Variants in ARID3A observed in about 807,000 individuals in gnomAD.
The protein encoded by ARID3A is AT-rich interaction domain 3A.
ARID3A carries 11 observed loss-of-function variants against 52.7 expected under a neutral mutation model. That is an observed-to-expected ratio of 0.21 (90% CI 0.13 to 0.35). The LOEUF (loss-of-function observed/expected upper bound fraction) is 0.35. Among genes scored for constraint, ARID3A ranks in the 10% least tolerant of loss-of-function variants. The pLI is 1.00. For synonymous variants in ARID3A, 404 were observed against 359.4 expected, an observed-to-expected ratio of 1.12 and a Z score of -1.40; for missense variants, 721 against 838.5, an observed-to-expected ratio of 0.86 and a Z score of 1.73.
Position 964,900 on chromosome 19 carries a change from G to A in ARID3A, c.1018G>A (p.Ala340Thr). 6.2e-7 allele frequency: 1 copy of A among 1,613,974 alleles called. No individual in the cohort carries two copies. Among genetic ancestry groups the A allele is most frequent in the African/African-American group, 1.3e-5 (1 of 75,026 alleles). The change falls in exon 6 of 9, where the codon GCA (alanine) becomes ACA (threonine). Residue 340 changes from alanine to threonine, a missense_variant. This residue lies in a region of ARID3A where 43 missense variants were observed against 143.7 expected (regional missense o/e 0.30). Transcript: ENST00000263620. This position sits in a 1 kb window ranked among gnomAD's most constrained non-coding sequence, Gnocchi z 5.7. ...CCTCAGTAACCCCAATGAGCTCCAGGCAGCCATAGACAGCAACCGACGGGA... is the reference window on the plus strand; with the variant it reads ...CCTCAGTAACCCCAATGAGCTCCAGACAGCCATAGACAGCAACCGACGGGA... ...RGLSNPNELQ[A>T]AIDSNRREGR...
rs190666372 is a variant in ARID3A, at chr19:947,650, C to T, written c.694-12442C>T. ...AGGGTCTGGCGTCAGCAAGCTCCCC[C>T]GGAATCTCGTGATCTGGAAATCCAC... is the stretch of plus-strand genomic sequence containing the variant. On this transcript the variant is annotated intron_variant, in intron 3 of 8. Coordinates refer to ENST00000263620, the MANE Select transcript of ARID3A (RefSeq NM_005224.3). This position sits in a 1 kb window ranked among gnomAD's most constrained non-coding sequence, Gnocchi z 6.3. Among the ~76,000 whole-genome samples the T allele has an allele frequency of 1.3e-5, 2 of 152,322 alleles. No individual in the cohort carries two copies. Among genetic ancestry groups the T allele is most frequent in the African/African-American group, 4.8e-5 (2 of 41,568 alleles).
At position 944,949 on chromosome 19, in the gene ARID3A, G is replaced by A. The variant is rs1026427737; in HGVS notation, c.693+12207G>A. ...TCTCCCTGTCTCTGCCACCCGCCCC[G>A]TCCCTTCCACCACGTCGCCCTGTAA... is the stretch of plus-strand genomic sequence containing the variant. On this transcript the variant is annotated intron_variant, in intron 3 of 8. Coordinates refer to ENST00000263620, the MANE Select transcript of ARID3A (RefSeq NM_005224.3). This position sits in a 1 kb window ranked among gnomAD's most constrained non-coding sequence, Gnocchi z 5.9. Among the ~76,000 whole-genome samples the A allele has an allele frequency of 2.6e-5, 4 of 151,682 alleles. No individual in the cohort carries two copies. The highest frequency in any genetic ancestry group is 5.9e-5 in the Non-Finnish European group (4 of 67,920).
chr19:966,954 A>C, intron 7 of ARID3A, 86 bp downstream of exon 7: 1 of 1,391,382 alleles, frequency 7.2e-7, no homozygotes, highest in African/African-American at 1.8e-5. Flanking sequence ...AAAGAGTGCC[A>C]ACAAATCAAT....
chr19:937,213 G>T (rs1051964838), intron 3 of ARID3A, among the ~76,000 whole-genome samples: 32 of 152,264 alleles, frequency 2.1e-4, no homozygotes, highest in African/African-American at 6.3e-4. Context: ...GCCGTGAGCC[G>T]AGATCGCGCC....
At chr19:946,062 AG>A (rs889807569) in intron 3 of ARID3A, among the ~76,000 whole-genome samples, 110 of 151,812 alleles carry the variant, frequency 7.2e-4, no homozygotes, top group African/African-American at 2.6e-3. Context: ...AGGCTCGCGG[AG>A]GCAGGGGCCC....
rs1214064379 is a variant in ARID3A at position 975,889 on chromosome 19, G to T, written c.*3824G>T. On this transcript the variant is annotated 3_prime_UTR_variant, in exon 9 of 9. Coordinates refer to ENST00000263620, the MANE Select transcript of ARID3A (RefSeq NM_005224.3). ...TTTAAGACGATTGTAACCCTGTAAA[G>T]CTGATGAGATATTAAAACGAGACAA... 1 of 182,648 alleles carries T rather than the reference G, an allele frequency of 5.5e-6. No homozygotes were observed. Among genetic ancestry groups the T allele is most frequent in the Non-Finnish European group, 1.2e-5 (1 of 85,900 alleles). 11.3% of individuals were successfully genotyped at this position (182,648 alleles called of 1,614,324 possible).
In ARID3A at chr19:944,828, G is replaced by A. The variant is rs934743709; in HGVS notation, c.693+12086G>A. Among the ~76,000 whole-genome samples the A allele has an allele frequency of 1.3e-5, 2 of 152,140 alleles. No homozygotes were observed. The highest frequency in any genetic ancestry group is 6.5e-5 in the Admixed American group (1 of 15,270). On this transcript the variant is annotated intron_variant, in intron 3 of 8. Coordinates refer to ENST00000263620, the MANE Select transcript of ARID3A (RefSeq NM_005224.3). The surrounding 1 kb of genome is among the most constrained non-coding windows in gnomAD (Gnocchi z 5.9). ...TTTTTTGGAGACAGGGTCTTGCTGC[G>A]TTGCCCAGGCTGAACTCCTGAGCTC...
intron 3 of ARID3A, among the ~76,000 whole-genome samples, chr19:937,734 T>TCTTG (rs1435765261): frequency 7.5e-6 from 1 of 133,656 alleles, no homozygotes; most frequent in East Asian, 2.3e-4. Flanking sequence ...TGAGACAGAG[T>TCTTG]CTTGCTCTGT....
intron 8 of ARID3A, among the ~76,000 whole-genome samples, chr19:969,556 A>G (rs1200401531): frequency 6.6e-6 from 1 of 151,550 alleles, no homozygotes; most frequent in Non-Finnish European, 1.5e-5. Flanking sequence ...CTATATATCT[A>G]TATATAGATA....
At position 950,688 on chromosome 19, in the gene ARID3A, C is replaced by T. The variant is rs1232103165; in HGVS notation, c.694-9404C>T. Among the ~76,000 whole-genome samples, 7 of 152,282 alleles carry T rather than the reference C, an allele frequency of 4.6e-5. No homozygotes were observed. The East Asian group carries it at 1.4e-3, about 29-fold the overall frequency. ...GGTCTTGACTTCCAAGCCCCTTGGT[C>T]CCTCCGACCTTGGAGGCTGCTGGAA... On this transcript the variant is annotated intron_variant, in intron 3 of 8. Transcript: ENST00000263620.
intron 3 of ARID3A, among the ~76,000 whole-genome samples, chr19:954,659 A>G (rs2037876740): frequency 6.6e-6 from 1 of 152,010 alleles, no homozygotes; most frequent in Non-Finnish European, 1.5e-5. Context: ...TGGTCGGTAA[A>G]GGTGGGTGGG....
intron 3 of ARID3A, among the ~76,000 whole-genome samples, chr19:936,888 C>T (rs1191522908): frequency 6.6e-6 from 1 of 151,920 alleles, no homozygotes; most frequent in Non-Finnish European, 1.5e-5. Flanking sequence ...TATTATCCCC[C>T]TATTCTACCA....
chr19:941,895 G>T lies in ARID3A; in HGVS notation c.693+9153G>T, dbSNP rs1398805381. ...GCGTGCCTGCTTGGGCTCGCCACGT[G>T]TGCGCACGTGTGCCCGTGACAGACG... On this transcript the variant is annotated intron_variant, in intron 3 of 8. Coordinates refer to ENST00000263620, the MANE Select transcript of ARID3A (RefSeq NM_005224.3). The surrounding 1 kb of genome is among the most constrained non-coding windows in gnomAD (Gnocchi z 6.9). Among the ~76,000 whole-genome samples the T allele has an allele frequency of 2.0e-5, 3 of 152,090 alleles. No individual in the cohort carries two copies. The highest frequency in any genetic ancestry group is 7.2e-5 in the African/African-American group (3 of 41,388).
At position 941,779 on chromosome 19, in the gene ARID3A, C is replaced by CTGTGTGTGTGTG. The variant is rs34643064; in HGVS notation, c.693+9055_693+9066dup. On this transcript the variant is annotated intron_variant, in intron 3 of 8. Transcript: ENST00000263620. The surrounding 1 kb of genome is among the most constrained non-coding windows in gnomAD (Gnocchi z 6.9). ...TCTCTTGTGTTTTGTGTGGATGTGGCTGTGTGTGTGTGTGTGTGTGTGTGT... is the reference window on the plus strand; with the variant it reads ...TCTCTTGTGTTTTGTGTGGATGTGGCTGTGTGTGTGTGTGTGTGTGTGTGTGTGTGTGTGTGT... Among the ~76,000 whole-genome samples, 409 of 146,256 alleles carry CTGTGTGTGTGTG rather than the reference C, an allele frequency of 2.8e-3. 3 individuals are homozygous for CTGTGTGTGTGTG. Among genetic ancestry groups the CTGTGTGTGTGTG allele is most frequent in the African/African-American group, 8.9e-3 (354 of 39,626 alleles).
At chr19:933,628 G>T (rs922588807) in intron 3 of ARID3A, among the ~76,000 whole-genome samples, 1 of 152,060 alleles carries the variant, frequency 6.6e-6, no homozygotes, top group Non-Finnish European at 1.5e-5. Context: ...TCCAGAATCC[G>T]CTCTGAGGAG....
intron 7 of ARID3A, among the ~76,000 whole-genome samples, chr19:967,527 C>G (rs1599428003): frequency 6.6e-6 from 1 of 152,154 alleles, no homozygotes; most frequent in Non-Finnish European, 1.5e-5. Context: ...CCACTGCATT[C>G]CAGCCTGGGT....
rs1445144445 is a variant in ARID3A at position 932,710 on chromosome 19, G to A, written c.661G>A (p.Gly221Ser). Residue 221 changes from glycine (G) to serine (S), a missense_variant, in exon 3 of 9, where the codon GGC (glycine) becomes AGC (serine). Gly to Ser is a moderately conservative substitution (Grantham distance 56). Around this residue, in one of 5 missense-constraint regions of ARID3A, gnomAD observed 27 missense variants for 35.7 expected, o/e 0.76. Transcript: ENST00000263620. ...CCCGCAGCTGCAGCCGCCTGACCAC[G>A]GCGACTGGACTTACGAGGAGCAGTT... ...VAPQLQPPDH[G>S]DWTYEEQFKQ... The A allele has an allele frequency of 1.7e-5, 26 of 1,547,156 alleles. No homozygotes were observed. Among genetic ancestry groups the A allele is most frequent in the Admixed American group, 5.9e-5 (3 of 50,948 alleles).
rs139001513 is a variant in ARID3A at position 930,859 on chromosome 19, C to T, written c.368+963C>T. ...AAAGCAACCTAGCCACCGATGGCTA[C>T]AGCAGATTCAGCGGCAGGGGCAGAT... On this transcript the variant is annotated intron_variant, in intron 2 of 8. Transcript: ENST00000263620. Among the ~76,000 whole-genome samples, 771 of 152,172 alleles carry T rather than the reference C, an allele frequency of 5.1e-3. 8 individuals carry two copies. Among genetic ancestry groups the T allele is most frequent in the African/African-American group, 0.017 (721 of 41,540 alleles).
intron 3 of ARID3A, among the ~76,000 whole-genome samples, chr19:953,360 C>G (rs992041126): frequency 6.6e-6 from 1 of 152,056 alleles, no homozygotes; most frequent in African/African-American, 2.4e-5. Flanking sequence ...CTCCCCTCCC[C>G]CACCGGCGCC....
Sources: gnomAD v4.1 joint callset for allele counts (sites outside exome capture counted in the v4.1 genomes callset) on GRCh38, gnomAD v4.1.1 for gene constraint, gnomAD v4.1.1 regional missense constraint, Gnocchi (gnomAD v3.1) non-coding constraint, MANE v1.5 for transcripts, NCBI Gene and HGNC (gene_info 2026-07-23, HGNC 2026-07-21) for gene names.